Variants in PPAT observed in about 807,000 individuals in gnomAD.
PPAT encodes amidophosphoribosyltransferase.
PPAT carries 20 observed loss-of-function variants against 60.2 expected under a neutral mutation model. That is an observed-to-expected ratio of 0.33 (90% CI 0.23 to 0.48). The LOEUF (loss-of-function observed/expected upper bound fraction) is 0.48. Ranked by LOEUF, PPAT falls within the 20% of genes least tolerant of loss-of-function variation. PPAT has a pLI of 0.99. For missense variants in PPAT, 349 were observed against 629.6 expected (o/e 0.55, Z 4.77); for synonymous variants, 194 against 215.1 (o/e 0.90, Z 0.86).
At chr4:56,431,145 G>C (rs571267990) in intron 1 of PPAT, among the ~76,000 whole-genome samples, 2 of 152,282 alleles carry the variant, frequency 1.3e-5, no homozygotes, top group South Asian at 4.1e-4. Flanking sequence ...ACTTGACTCA[G>C]ATAAAGGTTA....
intron 1 of PPAT, among the ~76,000 whole-genome samples, chr4:56,418,360 C>A (rs1188222112): frequency 1.3e-5 from 2 of 151,908 alleles, no homozygotes; most frequent in African/African-American, 4.8e-5. Context: ...CACTCTTTTG[C>A]CCAAGCTGGA....
chr4:56,413,260 G>A (rs565859417), intron 1 of PPAT, among the ~76,000 whole-genome samples: 14 of 152,160 alleles, frequency 9.2e-5, no homozygotes, highest in Admixed American at 5.2e-4. Flanking sequence ...AGGTTCAAGC[G>A]ATTCTCCTGC....
chr4:56,399,602 T>C, intron 8 of PPAT: 1 of 479,708 alleles, frequency 2.1e-6, no homozygotes, highest in Non-Finnish European at 3.7e-6. Context: ...GGACTCATAA[T>C]GTTTTTGTCT....
At chr4:56,435,257 C>G in intron 1 of PPAT, 93 bp downstream of exon 1, 3 of 1,565,810 alleles carry the variant, frequency 1.9e-6, no homozygotes, top group Non-Finnish European at 2.6e-6. Context: ...TCGGTCCTCC[C>G]GGGCCCTCGG....
Position 56,417,362 on chromosome 4 carries a change from C to T in PPAT, c.129-9646G>A, listed in dbSNP as rs115753055. 2.4e-3 allele frequency among the ~76,000 whole-genome samples: 359 copies of T among 151,426 alleles called. 1 individual carries two copies. The highest frequency in any genetic ancestry group is 8.3e-3 in the African/African-American group (341 of 41,186). On this transcript the variant is annotated intron_variant, in intron 1 of 10. Coordinates refer to ENST00000264220, the MANE Select transcript of PPAT (RefSeq NM_002703.5). ...CACCATAAAATATCTCAAACAAATG[C>T]TATAAAGTTTTTTTAATGACTTAAA...
rs1250594478 is a variant in PPAT, at chr4:56,429,237, G to A, written c.128+6113C>T. On this transcript the variant is annotated intron_variant, in intron 1 of 10. Transcript: ENST00000264220. ...AAAAGAAGAAGAAAGAAAAAAGAGTGAGAGTAACACTGAAAGTAAATGAAA... is the reference window on the plus strand; with the variant it reads ...AAAAGAAGAAGAAAGAAAAAAGAGTAAGAGTAACACTGAAAGTAAATGAAA... Among the ~76,000 whole-genome samples, 4 of 152,178 alleles carry A rather than the reference G, an allele frequency of 2.6e-5. No homozygotes were observed. In the South Asian group the frequency reaches 8.3e-4, roughly 32 times the overall value.
chr4:56,400,885 G>GGTATCTTACT lies in PPAT; in HGVS notation c.903_912dup (p.Arg305SerfsTer12). On this transcript the variant is annotated frameshift_variant, in exon 8 of 11. Transcript: ENST00000264220. LOFTEE classifies it high-confidence loss of function. Reference sequence around the variant, plus strand: ...TCAATCGCTAGCTGCTGGCCACAACGGTATCTTACTGTATAAACCATTTGG... The same window carrying GGTATCTTACT: ...TCAATCGCTAGCTGCTGGCCACAACGGTATCTTACTGTATCTTACTGTATAAACCATTTGG... 1 of 1,612,438 alleles carries GGTATCTTACT rather than the reference G, an allele frequency of 6.2e-7. No individual in the cohort carries two copies.
intron 1 of PPAT, among the ~76,000 whole-genome samples, chr4:56,433,718 G>C (rs1488548356): frequency 6.8e-6 from 1 of 146,976 alleles, no homozygotes; most frequent in African/African-American, 2.5e-5. Flanking sequence ...TTTTTGAGAC[G>C]GAGTCTCGCT....
intron 8 of PPAT, 28 bp downstream of exon 8, chr4:56,400,756 T>C: frequency 6.3e-7 from 1 of 1,599,478 alleles, no homozygotes; most frequent in East Asian, 2.2e-5. Flanking sequence ...GGAGAGCAAT[T>C]CACTGCATGT....
intron 9 of PPAT, among the ~76,000 whole-genome samples, chr4:56,398,331 T>C (rs951352768): frequency 6.6e-6 from 1 of 151,824 alleles, no homozygotes; most frequent in Admixed American, 6.6e-5. Flanking sequence ...GATGGTGCCA[T>C]AGCACTCCAG....
chr4:56,394,795 A>G lies in PPAT; in HGVS notation c.*557T>C, dbSNP rs10000147. The G allele has an allele frequency of 1.3e-4, 20 of 149,652 alleles. No individual in the cohort carries two copies. Among genetic ancestry groups the G allele is most frequent in the African/African-American group, 5.0e-4 (20 of 40,370 alleles). 9.3% of individuals were successfully genotyped at this position (149,652 alleles called of 1,614,324 possible). A position where few individuals can be genotyped will look rare whatever the true frequency, so the allele number is the denominator to read the frequency against. ...AATCACAAAAGTATGACACTTATTC[A>G]CATTCTTATTAATTATTTAATAAGT... On this transcript the variant is annotated 3_prime_UTR_variant, in exon 11 of 11. Transcript: ENST00000264220.
intron 1 of PPAT, chr4:56,410,898 GTAA>G (rs1716421088): frequency 6.3e-6 from 1 of 157,546 alleles, no homozygotes; most frequent in Non-Finnish European, 7.5e-6. Flanking sequence ...ACCACTGAAG[GTAA>G]AAAAAAAAAA....
rs771228885 is a variant in PPAT, at chr4:56,403,307, G to A, written c.497C>T (p.Thr166Ile). The A allele has an allele frequency of 1.3e-5, 21 of 1,613,298 alleles. No individual in the cohort carries two copies. In the East Asian group the frequency reaches 3.8e-4, roughly 29 times the overall value. The change falls in exon 4 of 11, where the codon ACC (threonine) becomes ATC (isoleucine). Residue 166 changes from threonine to isoleucine, a missense_variant. By Grantham distance (89) the Thr-to-Ile change is moderately conservative (BLOSUM62 -1). Around this residue, in one of 5 missense-constraint regions of PPAT, gnomAD observed 63 missense variants for 86.9 expected, o/e 0.73. Coordinates refer to ENST00000264220, the MANE Select transcript of PPAT (RefSeq NM_002703.5). Reference sequence around the variant, plus strand: ...TGCTTACCTGGCTACCCAGTCTGGGGTGTCATCTTGTTCCTGAGGAGGGGT... The same window carrying A: ...TGCTTACCTGGCTACCCAGTCTGGGATGTCATCTTGTTCCTGAGGAGGGGT... Reference protein sequence around the residue: ...AYTPPQEQDDTPDWVARIKNL... With the variant: ...AYTPPQEQDDIPDWVARIKNL...
At chr4:56,398,548 C>T (rs1716039236) in intron 9 of PPAT, among the ~76,000 whole-genome samples, 1 of 151,588 alleles carries the variant, frequency 6.6e-6, no homozygotes, top group Non-Finnish European at 1.5e-5. Context: ...CTCCTGGGCT[C>T]AAGCCATCCT....
chr4:56,423,989 C>T (rs1192294041), intron 1 of PPAT, among the ~76,000 whole-genome samples: 1 of 152,106 alleles, frequency 6.6e-6, no homozygotes, highest in African/African-American at 2.4e-5. Context: ...AAAAAATTCA[C>T]ATGAAATAGT....
In PPAT at chr4:56,401,339, T is replaced by G; in HGVS notation, c.877A>C (p.Met293Leu). ...EYVYFARPDS[M>L]FEDQMVYTVR... The stretch of plus-strand genomic sequence containing the variant: ...AAAGAAATCTACTTACCTTCGAACA[T>G]ACTGTCTGGTCTTGCAAAATAAACA... The change falls in exon 7 of 11, where the codon ATG becomes CTG. Residue 293 changes from methionine to leucine, a missense_variant. Physicochemically the swap from Met to Leu is conservative, Grantham distance 15. Coordinates refer to ENST00000264220, the MANE Select transcript of PPAT (RefSeq NM_002703.5). 6.3e-7 allele frequency: 1 copy of G among 1,585,912 alleles called. No individual in the cohort carries two copies. The highest frequency in any genetic ancestry group is 8.6e-7 in the Non-Finnish European group (1 of 1,168,866).
intron 1 of PPAT, among the ~76,000 whole-genome samples, chr4:56,433,099 A>G (rs1717688529): frequency 6.6e-6 from 1 of 151,844 alleles, no homozygotes; most frequent in Non-Finnish European, 1.5e-5. Flanking sequence ...TTTCCAAGAC[A>G]TAAGGGAGTG....
chr4:56,401,026 A>G (rs1408601413), intron 7 of PPAT, 115 bp from the exon 8 acceptor site: 1 of 1,091,318 alleles, frequency 9.2e-7, no homozygotes, highest in Admixed American at 2.5e-5. Context: ...AATGCAATAT[A>G]TACAAAAATA....
Position 56,395,149 on chromosome 4 carries a change from T to C in PPAT, c.*203A>G. 1 of 493,328 alleles carries C rather than the reference T, an allele frequency of 2.0e-6. No individual in the cohort carries two copies. Among genetic ancestry groups the C allele is most frequent in the Non-Finnish European group, 3.6e-6 (1 of 279,578 alleles). The allele number at this position is 493,328 out of a possible 1,614,324, so 30.6% of individuals were successfully genotyped here. On this transcript the variant is annotated 3_prime_UTR_variant, in exon 11 of 11. Transcript: ENST00000264220. ...TGTGTAAAAAAAAGAACACCACATA[T>C]TGTTGTATTATATGCAATTGGAAAT...
Sources: gnomAD v4.1 joint callset for allele counts (sites outside exome capture counted in the v4.1 genomes callset) on GRCh38, gnomAD v4.1.1 for gene constraint, gnomAD v4.1.1 regional missense constraint, MANE v1.5 for transcripts, NCBI Gene and HGNC (gene_info 2026-07-23, HGNC 2026-07-21) for gene names.